ACTR3B: variants seen among roughly 807,000 people sequenced by gnomAD.
The protein encoded by ACTR3B is actin-related protein 3B.
In ACTR3B, 8 loss-of-function variants were observed where a neutral mutation model predicts 59.0. The ratio of observed to expected loss-of-function variants is 0.14; its 90% CI spans 0.08 to 0.24. ACTR3B has a LOEUF of 0.24. Among genes scored for constraint, ACTR3B ranks in the 10% least tolerant of loss-of-function variants. ACTR3B has a pLI of 1.00. For synonymous variants in ACTR3B, 148 were observed against 197.9 expected, an observed-to-expected ratio of 0.75 and a Z score of 2.12; for missense variants, 245 against 552.3, an observed-to-expected ratio of 0.44 and a Z score of 5.58.
chr7:152,802,921 T>G (rs1315264702), intron 4 of ACTR3B, among the ~76,000 whole-genome samples: 1 of 152,226 alleles, frequency 6.6e-6, no homozygotes, highest in Non-Finnish European at 1.5e-5. Flanking sequence ...TTAAAGCCAG[T>G]CTTTGATCTT....
Position 152,825,067 on chromosome 7 carries a change from T to C in ACTR3B, c.896T>C (p.Val299Ala). 6.2e-7 allele frequency: 1 copy of C among 1,613,888 alleles called. No individual in the cohort carries two copies. The highest frequency in any genetic ancestry group is 8.5e-7 in the Non-Finnish European group (1 of 1,179,828). Residue 299 changes from valine (V) to alanine (A), a missense_variant, in exon 9 of 12, where the codon GTT (valine) becomes GCT (alanine). Val to Ala is a moderately conservative substitution (Grantham distance 64). This residue lies in a region of ACTR3B where 153 missense variants were observed against 266.2 expected (regional missense o/e 0.57). Transcript: ENST00000256001. ...GACTTTATGGAGTCCATCTCAGATGTTGTTGATGAAGTAATACAGAACTGC... is the reference window on the plus strand; with the variant it reads ...GACTTTATGGAGTCCATCTCAGATGCTGTTGATGAAGTAATACAGAACTGC... Reference protein sequence around the residue: ...NPDFMESISDVVDEVIQNCPI... With the variant: ...NPDFMESISDAVDEVIQNCPI...
intron 10 of ACTR3B, 109 bp downstream of exon 10, chr7:152,852,360 A>G (rs545115430): frequency 2.9e-6 from 4 of 1,360,524 alleles, no homozygotes; most frequent in African/African-American, 1.5e-5. Flanking sequence ...TAAAATAAAA[A>G]CAAGTGTTCA....
chr7:152,837,655 T>C (rs1167961677), intron 9 of ACTR3B, among the ~76,000 whole-genome samples: 2 of 152,246 alleles, frequency 1.3e-5, no homozygotes, highest in Non-Finnish European at 2.9e-5. Context: ...AGACTCCTGC[T>C]GAATACATTT....
chr7:152,831,064 TC>T (rs1442914129), intron 9 of ACTR3B, among the ~76,000 whole-genome samples: 3 of 152,214 alleles, frequency 2.0e-5, no homozygotes, highest in African/African-American at 7.2e-5. Flanking sequence ...AGAGCTCTGC[TC>T]TTTTAGCCCC....
intron 9 of ACTR3B, among the ~76,000 whole-genome samples, chr7:152,851,195 A>G (rs533900566): frequency 6.6e-6 from 1 of 152,346 alleles, no homozygotes; most frequent in East Asian, 1.9e-4. Context: ...AGTAACTACT[A>G]AAGTAGAATA....
At chr7:152,770,679 C>G (rs1202669834) in intron 1 of ACTR3B, among the ~76,000 whole-genome samples, 4 of 151,304 alleles carry the variant, frequency 2.6e-5, no homozygotes, top group African/African-American at 7.3e-5. Context: ...AAAGTATACC[C>G]AAGTTCAGGC....
intron 2 of ACTR3B, among the ~76,000 whole-genome samples, chr7:152,783,774 C>T (rs1051648021): frequency 7.9e-5 from 12 of 151,498 alleles, no homozygotes; most frequent in African/African-American, 1.5e-4. Context: ...GGAGTCTTCC[C>T]GAGGTTAGTC....
At chr7:152,822,873 G>A (rs1465503389) in intron 7 of ACTR3B, among the ~76,000 whole-genome samples, 2 of 152,194 alleles carry the variant, frequency 1.3e-5, no homozygotes, top group Non-Finnish European at 2.9e-5. Flanking sequence ...GGCGTGCTGG[G>A]ACCCAAATGG....
chr7:152,789,051 A>AGC (rs754122327), intron 2 of ACTR3B, among the ~76,000 whole-genome samples: 10,910 of 88,178 alleles, frequency 0.12, 413 homozygotes, highest in African/African-American at 0.24. Flanking sequence ...CAACAACAAC[A>AGC]AACAGCAACA....
intron 1 of ACTR3B, among the ~76,000 whole-genome samples, chr7:152,765,984 C>G (rs983085638): frequency 6.6e-6 from 1 of 151,832 alleles, no homozygotes; most frequent in Non-Finnish European, 1.5e-5. Context: ...TGATAATCTT[C>G]GCATTTATTT....
Position 152,788,360 on chromosome 7 carries a change from A to T in ACTR3B, c.100+5118A>T, listed in dbSNP as rs1590252364. 2.1e-5 allele frequency among the ~76,000 whole-genome samples: 3 copies of T among 145,580 alleles called. No homozygotes were observed. The East Asian group carries it at 6.1e-4, about 30-fold the overall frequency. On this transcript the variant is annotated intron_variant, in intron 2 of 11. Coordinates refer to ENST00000256001, the MANE Select transcript of ACTR3B (RefSeq NM_020445.6). ...TCCTTGAAGATGGTATATGTGTTTTATTGTTTATTCATGTCTCTCGTGTTT... is the reference window on the plus strand; with the variant it reads ...TCCTTGAAGATGGTATATGTGTTTTTTTGTTTATTCATGTCTCTCGTGTTT...
At chr7:152,805,669 T>C (rs2098250117) in intron 4 of ACTR3B, among the ~76,000 whole-genome samples, 1 of 152,066 alleles carries the variant, frequency 6.6e-6, no homozygotes, top group East Asian at 1.9e-4. Context: ...TTCTTGAGAA[T>C]GGTTAGACCT....
At chr7:152,800,866 T>C (rs1371293109) in intron 3 of ACTR3B, among the ~76,000 whole-genome samples, 1 of 152,260 alleles carries the variant, frequency 6.6e-6, no homozygotes, top group Non-Finnish European at 1.5e-5. Flanking sequence ...GAATGCAGAA[T>C]AGACTCAGGA....
In ACTR3B at chr7:152,825,128, A is replaced by T; in HGVS notation, c.951+6A>T. On this transcript the variant is annotated splice_donor_region_variant and intron_variant, in intron 9 of 11. Transcript: ENST00000256001. ...TGCGGCGCCCGCTGTATAAGGTATGAGCTGCCTGGGTAAGGTACTTTGATT... is the reference window on the plus strand; with the variant it reads ...TGCGGCGCCCGCTGTATAAGGTATGTGCTGCCTGGGTAAGGTACTTTGATT... The T allele has an allele frequency of 6.2e-7, 1 of 1,611,974 alleles. No individual in the cohort carries two copies. The highest frequency in any genetic ancestry group is 8.5e-7 in the Non-Finnish European group (1 of 1,179,308).
chr7:152,791,053 G>A (rs865806439), intron 2 of ACTR3B, among the ~76,000 whole-genome samples: 5 of 146,766 alleles, frequency 3.4e-5, no homozygotes, highest in Admixed American at 2.8e-4. Flanking sequence ...TTGCTCTGTC[G>A]CCCAGGCTGG....
intron 1 of ACTR3B, among the ~76,000 whole-genome samples, chr7:152,773,101 T>G (rs2098128063): frequency 6.6e-6 from 1 of 151,404 alleles, no homozygotes; most frequent in Non-Finnish European, 1.5e-5. Context: ...TAAAATAGAT[T>G]ACAGAGTAAA....
chr7:152,765,408 C>T (rs575156634), intron 1 of ACTR3B, among the ~76,000 whole-genome samples: 46 of 149,524 alleles, frequency 3.1e-4, no homozygotes, highest in Middle Eastern at 3.5e-3. Context: ...TGAGCCACTG[C>T]GCCTGGCTTT....
In ACTR3B at chr7:152,852,298, G is replaced by A. The variant is rs772591461; in HGVS notation, c.1077+47G>A. 3.3e-6 allele frequency: 5 copies of A among 1,535,834 alleles called. No homozygotes were observed. In the East Asian group the frequency reaches 9.4e-5, roughly 29 times the overall value. Reference sequence around the variant, plus strand: ...GCAGTGCCTGGGGCTATTGCCCCAGGCCTGACCGGGGCCCTCCTGACACAG... The same window carrying A: ...GCAGTGCCTGGGGCTATTGCCCCAGACCTGACCGGGGCCCTCCTGACACAG... On this transcript the variant is annotated intron_variant, in intron 10 of 11. Coordinates refer to ENST00000256001, the MANE Select transcript of ACTR3B (RefSeq NM_020445.6).
intron 7 of ACTR3B, among the ~76,000 whole-genome samples, chr7:152,821,512 C>T (rs1272544555): frequency 2.0e-5 from 3 of 152,146 alleles, no homozygotes; most frequent in Admixed American, 6.6e-5. Flanking sequence ...TATTGACGCC[C>T]AGGGTCCACT....
Sources: gnomAD v4.1 joint callset for allele counts (sites outside exome capture counted in the v4.1 genomes callset) on GRCh38, gnomAD v4.1.1 for gene constraint, gnomAD v4.1.1 regional missense constraint, MANE v1.5 for transcripts, NCBI Gene and HGNC (gene_info 2026-07-23, HGNC 2026-07-21) for gene names.